KCNIP1: variants seen among roughly 807,000 people sequenced by gnomAD.
KCNIP1 encodes potassium voltage-gated channel interacting protein 1, also known as A-type potassium channel modulatory protein KCNIP1.
KCNIP1 carries 18 observed loss-of-function variants against 33.0 expected under a neutral mutation model. That is an observed-to-expected ratio of 0.55 (90% confidence interval 0.38 to 0.81). KCNIP1 has a LOEUF of 0.81. KCNIP1 is among the 30% of genes least tolerant of loss of function. KCNIP1 has a pLI of 0.00. For synonymous variants in KCNIP1, 93 were observed against 98.3 expected (o/e 0.95, Z 0.32); for missense variants, 238 against 271.6 (o/e 0.88, Z 0.87).
intron 1 of KCNIP1, among the ~76,000 whole-genome samples, chr5:170,465,822 A>G (rs1756598239): frequency 6.6e-6 from 1 of 152,206 alleles, no homozygotes; most frequent in African/African-American, 2.4e-5. Context: ...ATTCTAGAAC[A>G]AGTGCAAGGT....
chr5:170,670,793 G>C (rs1761887986), intron 1 of KCNIP1, among the ~76,000 whole-genome samples: 1 of 152,070 alleles, frequency 6.6e-6, no homozygotes, highest in Non-Finnish European at 1.5e-5. Flanking sequence ...CTACTCAGGA[G>C]ACTGAGGCAG....
intron 1 of KCNIP1, among the ~76,000 whole-genome samples, chr5:170,676,149 GGGGGAGGTAGGGAGGGAAA>G (rs1277753915): frequency 7.8e-6 from 1 of 127,968 alleles, no homozygotes; most frequent in African/African-American, 3.0e-5. Context: ...AGGGAGAGAA[GGGGGAGGTAGGGAGGGAAA>G]GAAGGAAGGA....
At chr5:170,589,783 A>G (rs202082708) in intron 1 of KCNIP1, among the ~76,000 whole-genome samples, 11,692 of 51,656 alleles carry the variant, frequency 0.23, 947 homozygotes, top group African/African-American at 0.33. Context: ...GTGTGGTGTG[A>G]TGTGATGTGG....
chr5:170,454,595 C>T (rs1368299169), intron 1 of KCNIP1, among the ~76,000 whole-genome samples: 4 of 152,126 alleles, frequency 2.6e-5, no homozygotes, highest in Non-Finnish European at 5.9e-5. Flanking sequence ...TAGAAAACTT[C>T]CTGATGATCA....
At chr5:170,372,467 C>T (rs1561589119) in intron 1 of KCNIP1, among the ~76,000 whole-genome samples, 1 of 152,184 alleles carries the variant, frequency 6.6e-6, no homozygotes, top group Non-Finnish European at 1.5e-5. Context: ...CTTCCCTCTG[C>T]AGAGGTTGCC....
intron 1 of KCNIP1, among the ~76,000 whole-genome samples, chr5:170,464,940 C>T (rs534413996): frequency 2.6e-5 from 4 of 152,274 alleles, no homozygotes; most frequent in African/African-American, 9.6e-5. Flanking sequence ...TGTGGATGCC[C>T]AGACGGTTAG....
At chr5:170,547,088 G>T (rs1311554777) in intron 1 of KCNIP1, among the ~76,000 whole-genome samples, 1 of 152,112 alleles carries the variant, frequency 6.6e-6, no homozygotes, top group African/African-American at 2.4e-5. Context: ...CTCTGCCTCT[G>T]GCTTTCATTG....
chr5:170,529,180 T>G (rs1755694720), intron 1 of KCNIP1, among the ~76,000 whole-genome samples: 2 of 152,166 alleles, frequency 1.3e-5, no homozygotes, highest in Admixed American at 1.3e-4. Flanking sequence ...AAGAACCTGT[T>G]GATTTCTCTG....
intron 1 of KCNIP1, chr5:170,378,843 A>T: frequency 6.2e-7 from 1 of 1,614,230 alleles, no homozygotes; most frequent in Non-Finnish European, 8.5e-7. Flanking sequence ...CTGGAATAGG[A>T]CGCTGGTTTC....
chr5:170,418,302 G>A (rs1417345890), intron 1 of KCNIP1, among the ~76,000 whole-genome samples: 1 of 152,152 alleles, frequency 6.6e-6, no homozygotes, highest in Non-Finnish European at 1.5e-5. Context: ...AGGGTGGCAT[G>A]CACCTGTAAT....
chr5:170,721,998 A>G (rs1763842028), intron 4 of KCNIP1, 95 bp downstream of exon 4: 1 of 1,413,086 alleles, frequency 7.1e-7, no homozygotes, highest in South Asian at 1.2e-5. Context: ...TGGACCATCA[A>G]AAGCTCTCAG....
intron 1 of KCNIP1, among the ~76,000 whole-genome samples, chr5:170,442,231 G>A (rs955252562): frequency 2.6e-5 from 4 of 152,194 alleles, no homozygotes; most frequent in African/African-American, 4.8e-5. Context: ...CAGGGGCCGA[G>A]TAAGCAGAGG....
chr5:170,639,476 G>A (rs1581431717), intron 1 of KCNIP1: 1 of 152,252 alleles, frequency 6.6e-6, no homozygotes, highest in Non-Finnish European at 1.5e-5. Context: ...GACTTCCTGG[G>A]TTGGGATCCT....
At chr5:170,496,761 A>G (rs1350696260) in intron 1 of KCNIP1, among the ~76,000 whole-genome samples, 1 of 152,086 alleles carries the variant, frequency 6.6e-6, no homozygotes, top group Non-Finnish European at 1.5e-5. Flanking sequence ...TTTCAGTCTC[A>G]CCCGTCCACC....
intron 1 of KCNIP1, among the ~76,000 whole-genome samples, chr5:170,609,131 C>T (rs1400013340): frequency 6.6e-6 from 1 of 152,200 alleles, no homozygotes; most frequent in Non-Finnish European, 1.5e-5. Context: ...ACAGCAAAGA[C>T]TGGAAACGAG....
intron 1 of KCNIP1, among the ~76,000 whole-genome samples, chr5:170,450,747 G>A (rs1756230212): frequency 6.6e-6 from 1 of 152,138 alleles, no homozygotes; most frequent in African/African-American, 2.4e-5. Flanking sequence ...ACTTCTATCG[G>A]TTTTCAGAAT....
At chr5:170,456,619 A>G (rs1166546603) in intron 1 of KCNIP1, among the ~76,000 whole-genome samples, 1 of 152,106 alleles carries the variant, frequency 6.6e-6, no homozygotes, top group Middle Eastern at 3.4e-3. Context: ...TGAGGACAGA[A>G]AAACAATAGA....
chr5:170,445,657 G>T (rs1004319298), intron 1 of KCNIP1, among the ~76,000 whole-genome samples: 1 of 152,200 alleles, frequency 6.6e-6, no homozygotes, highest in Admixed American at 6.5e-5. Flanking sequence ...GGAGAGAGCA[G>T]CTCGCCTCCT....
intron 1 of KCNIP1, among the ~76,000 whole-genome samples, chr5:170,662,399 C>G (rs1180659689): frequency 6.6e-6 from 1 of 152,198 alleles, no homozygotes; most frequent in Non-Finnish European, 1.5e-5. Context: ...GTCTCCAGCC[C>G]TGAGTCCACC....
Sources: gnomAD v4.1 joint callset for allele counts (sites outside exome capture counted in the v4.1 genomes callset) on GRCh38, gnomAD v4.1.1 for gene constraint, MANE v1.5 for transcripts, NCBI Gene and HGNC (gene_info 2026-07-23, HGNC 2026-07-21) for gene names.